LARP1B: variants seen among roughly 807,000 people sequenced by gnomAD.
The protein encoded by LARP1B is la-related protein 1B.
Under a neutral mutation model 114.2 loss-of-function variants are expected in LARP1B, and 76 were observed. That is an observed-to-expected ratio of 0.67 (90% CI 0.55 to 0.81). The LOEUF is 0.81. Among genes scored for constraint, LARP1B ranks in the 30% least tolerant of loss-of-function variants. LARP1B has a pLI of 0.00. For missense variants in LARP1B, 1,014 were observed against 1,075.8 expected (o/e 0.94, Z 0.80); for synonymous variants, 345 against 348.0 (o/e 0.99, Z 0.10).
At chr4:128,165,474 C>T (rs976028398) in intron 12 of LARP1B, among the ~76,000 whole-genome samples, 2 of 151,832 alleles carry the variant, frequency 1.3e-5, no homozygotes, top group South Asian at 4.2e-4. Flanking sequence ...AAAATTCACT[C>T]TATGCTAGTT....
At chr4:128,073,699 T>G (rs1579838545) in intron 1 of LARP1B, among the ~76,000 whole-genome samples, 11 of 145,338 alleles carry the variant, frequency 7.6e-5, no homozygotes, top group African/African-American at 2.3e-4. Flanking sequence ...CAAGCGATTC[T>G]CCTGCCTCAG....
Position 128,160,543 on chromosome 4 carries a change from T to C in LARP1B, c.1525-1651T>C, listed in dbSNP as rs554581955. Among the ~76,000 whole-genome samples, 7 of 152,182 alleles carry C rather than the reference T, an allele frequency of 4.6e-5. No individual in the cohort carries two copies. The South Asian group carries it at 1.4e-3, about 31-fold the overall frequency. On this transcript the variant is annotated intron_variant, in intron 11 of 19. Coordinates refer to ENST00000326639, the MANE Select transcript of LARP1B (RefSeq NM_018078.4). ...CTTCTTGTGTGTGTGTGTGTGTGTA[T>C]GTTATACATTAATGAATTAGTTAAA...
chr4:128,155,442 G>A, intron 11 of LARP1B: 1 of 711,542 alleles, frequency 1.4e-6, no homozygotes. Context: ...GCGTGGGTAT[G>A]GCGACCCCGC....
intron 3 of LARP1B, 45 bp downstream of exon 3, chr4:128,075,038 T>C (rs1283763157): frequency 8.1e-7 from 1 of 1,231,366 alleles, no homozygotes; most frequent in Non-Finnish European, 1.2e-6. Context: ...AAGGAAAATG[T>C]ATTCATTTCG....
At chr4:128,143,516 G>A (rs1728939935) in intron 11 of LARP1B, among the ~76,000 whole-genome samples, 1 of 111,950 alleles carries the variant, frequency 8.9e-6, no homozygotes, top group Admixed American at 1.1e-4. Flanking sequence ...AATTCAAAAT[G>A]GTGGGGTGGG....
At chr4:128,072,298 G>T (rs1765689091) in intron 1 of LARP1B, among the ~76,000 whole-genome samples, 2 of 152,116 alleles carry the variant, frequency 1.3e-5, no homozygotes, top group Admixed American at 1.3e-4. Context: ...ACTGTGCCCG[G>T]CCTAAGAGTA....
At chr4:128,162,043 T>C (rs1361799900) in intron 11 of LARP1B, 151 bp from the exon 12 acceptor site, 7 of 562,964 alleles carry the variant, frequency 1.2e-5, no homozygotes, top group South Asian at 1.2e-4. Context: ...TTATTAAGTA[T>C]AATGCTAGAC....
chr4:128,161,007 T>G (rs1373765682), intron 11 of LARP1B, among the ~76,000 whole-genome samples: 3 of 152,240 alleles, frequency 2.0e-5, no homozygotes, highest in African/African-American at 7.2e-5. Flanking sequence ...AATTCTTTCT[T>G]ATGTTTTTTA....
intron 4 of LARP1B, among the ~76,000 whole-genome samples, chr4:128,081,646 C>G: frequency 6.6e-6 from 1 of 152,174 alleles, no homozygotes; most frequent in East Asian, 1.9e-4. Flanking sequence ...ACTCTCTTTA[C>G]AAGGTTTTTT....
chr4:128,152,921 C>T (rs1360612464), intron 11 of LARP1B, among the ~76,000 whole-genome samples: 1 of 145,580 alleles, frequency 6.9e-6, no homozygotes, highest in Admixed American at 6.8e-5. Context: ...TGTGATAAAA[C>T]ACACAACAGG....
intron 11 of LARP1B, among the ~76,000 whole-genome samples, chr4:128,145,632 A>C (rs777262038): frequency 3.3e-5 from 5 of 152,136 alleles, no homozygotes; most frequent in Non-Finnish European, 5.9e-5. Context: ...ACTAAACTCT[A>C]AAGCACTACC....
At chr4:128,220,125 T>C (rs1388942475) in intron 6 of LARP1B, among the ~76,000 whole-genome samples, 3 of 152,278 alleles carry the variant, frequency 2.0e-5, no homozygotes, top group South Asian at 2.1e-4. Context: ...CCTCAGGTGA[T>C]CCACCCACCT....
chr4:128,141,918 G>A (rs185473789), intron 11 of LARP1B, among the ~76,000 whole-genome samples: 251 of 152,232 alleles, frequency 1.6e-3, no homozygotes, highest in Middle Eastern at 3.4e-3. Flanking sequence ...TACAAATGAG[G>A]CAAGTCCTTA....
chr4:128,206,508 A>C lies in LARP1B; in HGVS notation c.2390A>C (p.Gln797Pro), dbSNP rs761243032. 6.2e-7 allele frequency: 1 copy of C among 1,613,098 alleles called. No individual in the cohort carries two copies. Among genetic ancestry groups the C allele is most frequent in the East Asian group, 2.2e-5 (1 of 44,834 alleles). The change falls in exon 18 of 20, where the codon CAA becomes CCA. Residue 797 changes from glutamine (Q) to proline (P), a missense_variant. Coordinates refer to ENST00000326639, the MANE Select transcript of LARP1B (RefSeq NM_018078.4). ...KFRREIFQDF[Q>P]EETKKDYESG... ...AGGCGAGAAATTTTTCAGGATTTCC[A>C]AGAAGAAACCAAAAAAGACTACGAA... is the stretch of plus-strand genomic sequence containing the variant.
chr4:128,214,539 AC>A (rs1759390876), downstream of LARP1B, among the ~76,000 whole-genome samples: 1 of 151,950 alleles, frequency 6.6e-6, no homozygotes, highest in Non-Finnish European at 1.5e-5. Context: ...GCACACTGAC[AC>A]CTCACACGGC....
At position 128,199,574 on chromosome 4, in the gene LARP1B, CA is replaced by C; in HGVS notation, c.2141del (p.Lys714SerfsTer7). The C allele has an allele frequency of 6.3e-7, 1 of 1,575,104 alleles. No homozygotes were observed. ...ENGFTQQVYH[K>X]YRRRCLSERK... ...ATGGCTTTACCCAACAAGTGTACCA[CA>C]AGTATCGTCGAAGATGCCTAAGTGG... On this transcript the variant is annotated frameshift_variant, in exon 16 of 20. Coordinates refer to ENST00000326639, the MANE Select transcript of LARP1B (RefSeq NM_018078.4). LOFTEE classifies it high-confidence loss of function.
chr4:128,160,791 C>T (rs1213128771), intron 11 of LARP1B, among the ~76,000 whole-genome samples: 1 of 152,118 alleles, frequency 6.6e-6, no homozygotes, highest in South Asian at 2.1e-4. Context: ...GATAAATATA[C>T]ATTTTGATGT....
chr4:128,129,224 G>A (rs1478834714), intron 11 of LARP1B, among the ~76,000 whole-genome samples: 2 of 143,482 alleles, frequency 1.4e-5, no homozygotes, highest in Admixed American at 7.1e-5. Context: ...GCGTGGTGGC[G>A]CGTGCCTGTA....
At chr4:128,205,057 A>C (rs1017402594) in intron 17 of LARP1B, among the ~76,000 whole-genome samples, 4 of 152,194 alleles carry the variant, frequency 2.6e-5, no homozygotes, top group African/African-American at 9.7e-5. Context: ...TGATCTCCTT[A>C]GACTTCAGTC....
Sources: allele counts gnomAD v4.1 joint callset (sites outside exome capture counted in the v4.1 genomes callset), GRCh38; gene constraint gnomAD v4.1.1; transcripts MANE v1.5; gene names NCBI Gene and HGNC (gene_info 2026-07-23, HGNC 2026-07-21).